Variants in EYS observed in about 807,000 individuals in gnomAD.
EYS encodes the protein EGF-like photoreceptor maintenance factor.
In EYS, 250 loss-of-function variants were observed where a neutral mutation model predicts 282.1. The ratio of observed to expected loss-of-function variants is 0.89; its 90% confidence interval spans 0.80 to 0.98. The LOEUF (loss-of-function observed/expected upper bound fraction) is 0.98. Ranked by LOEUF, EYS falls within the 50% of genes least tolerant of loss-of-function variation. EYS has a pLI of 0.00. For synonymous variants in EYS, 1,355 were observed against 1,282.9 expected (o/e 1.06, Z -1.20); for missense variants, 4,016 against 3,709.0 (o/e 1.08, Z -2.15).
At chr6:64,612,531 T>C (rs1767145403) in intron 24 of EYS, among the ~76,000 whole-genome samples, 1 of 152,148 alleles carries the variant, frequency 6.6e-6, no homozygotes, top group Non-Finnish European at 1.5e-5. Context: ...AGTACTTTAA[T>C]CTTGTTTGGA....
intron 22 of EYS, among the ~76,000 whole-genome samples, chr6:64,769,933 G>GTA (rs1466729743): frequency 2.0e-5 from 3 of 151,648 alleles, no homozygotes; most frequent in Non-Finnish European, 4.4e-5. Context: ...CTTCAGATAT[G>GTA]TATATATATA....
At chr6:64,155,955 T>C (rs1270590346) in intron 31 of EYS, among the ~76,000 whole-genome samples, 1 of 151,790 alleles carries the variant, frequency 6.6e-6, no homozygotes, top group Non-Finnish European at 1.5e-5. Context: ...CTGGAGGTGA[T>C]GACATGGGCT....
At chr6:65,336,802 A>G (rs1770006164) in intron 10 of EYS, among the ~76,000 whole-genome samples, 2 of 151,584 alleles carry the variant, frequency 1.3e-5, no homozygotes, top group Non-Finnish European at 1.5e-5. Flanking sequence ...AGCTTTAAAA[A>G]TCTTCCACAG....
chr6:64,234,021 C>T (rs556510337), intron 30 of EYS, among the ~76,000 whole-genome samples: 6 of 152,164 alleles, frequency 3.9e-5, no homozygotes, highest in Non-Finnish European at 8.8e-5. Context: ...AGTGGGCTCA[C>T]ACAGATATGT....
intron 12 of EYS, among the ~76,000 whole-genome samples, chr6:65,189,331 C>T (rs1292685373): frequency 2.0e-5 from 3 of 151,574 alleles, no homozygotes; most frequent in Non-Finnish European, 4.4e-5. Flanking sequence ...TGCAAAGTTT[C>T]GTTCATGATG....
intron 22 of EYS, among the ~76,000 whole-genome samples, chr6:64,679,607 A>G (rs1396118397): frequency 6.6e-6 from 1 of 152,192 alleles, no homozygotes; most frequent in Non-Finnish European, 1.5e-5. Context: ...AAACATGACC[A>G]AATTTCCCTT....
At chr6:65,592,158 T>G (rs1765255139) in intron 2 of EYS, among the ~76,000 whole-genome samples, 1 of 151,468 alleles carries the variant, frequency 6.6e-6, no homozygotes, top group Admixed American at 6.6e-5. Flanking sequence ...TCACTTTTCA[T>G]AGTTAATTTA....
chr6:65,624,560 G>A (rs896886911), intron 2 of EYS, among the ~76,000 whole-genome samples: 1 of 152,116 alleles, frequency 6.6e-6, no homozygotes, highest in Non-Finnish European at 1.5e-5. Flanking sequence ...GTTGCCAAAG[G>A]AGATTAACAT....
intron 22 of EYS, among the ~76,000 whole-genome samples, chr6:64,640,284 G>C (rs1768086313): frequency 6.7e-6 from 1 of 148,694 alleles, no homozygotes; most frequent in Admixed American, 6.7e-5. Flanking sequence ...GTTTATTGCG[G>C]CACTATTCAC....
At chr6:65,494,503 G>C (rs1766162265) in intron 4 of EYS, among the ~76,000 whole-genome samples, 160 bp downstream of exon 4, 1 of 151,820 alleles carries the variant, frequency 6.6e-6, no homozygotes, top group African/African-American at 2.4e-5. Flanking sequence ...GGATGGTCTC[G>C]CTCTCCTGAC....
chr6:65,076,642 G>A (rs185228414), intron 12 of EYS, among the ~76,000 whole-genome samples: 162 of 151,474 alleles, frequency 1.1e-3, no homozygotes, highest in African/African-American at 3.7e-3. Flanking sequence ...AGAGTGCATT[G>A]ATAAGCAATA....
chr6:64,928,315 T>G (rs959390899), intron 15 of EYS, among the ~76,000 whole-genome samples: 1 of 152,100 alleles, frequency 6.6e-6, no homozygotes, highest in African/African-American at 2.4e-5. Context: ...AAAATACAGA[T>G]TTTGCAGCAA....
chr6:64,232,964 C>T (rs1164643635), intron 30 of EYS, among the ~76,000 whole-genome samples: 1 of 152,116 alleles, frequency 6.6e-6, no homozygotes, highest in Non-Finnish European at 1.5e-5. Flanking sequence ...GGATTTATTA[C>T]TCAGTATTCT....
At chr6:64,602,772 G>C (rs1562086757) in intron 24 of EYS, among the ~76,000 whole-genome samples, 1 of 151,932 alleles carries the variant, frequency 6.6e-6, no homozygotes, top group Admixed American at 6.6e-5. Flanking sequence ...CTTTCATTAA[G>C]AAATGTTTAA....
At chr6:64,765,985 C>A (rs1278793285) in intron 22 of EYS, among the ~76,000 whole-genome samples, 2 of 151,978 alleles carry the variant, frequency 1.3e-5, no homozygotes, top group African/African-American at 2.4e-5. Flanking sequence ...GCACTATTTT[C>A]AAGTAATTAG....
chr6:65,322,664 G>T (rs71270257), intron 11 of EYS, among the ~76,000 whole-genome samples: 8 of 151,348 alleles, frequency 5.3e-5, no homozygotes, highest in Non-Finnish European at 1.2e-4. Flanking sequence ...GCCTGGGGGC[G>T]CGCGCCTGTA....
chr6:63,878,467 A>T (rs1426263425), intron 35 of EYS, among the ~76,000 whole-genome samples: 1 of 152,112 alleles, frequency 6.6e-6, no homozygotes, highest in Non-Finnish European at 1.5e-5. Context: ...TCAGATCTCA[A>T]ACTCCATGCT....
chr6:65,502,349 G>C (rs1312582676), intron 2 of EYS, among the ~76,000 whole-genome samples: 1 of 151,478 alleles, frequency 6.6e-6, no homozygotes, highest in Non-Finnish European at 1.5e-5. Flanking sequence ...AGAAAATCCT[G>C]CACATGGATC....
At chr6:63,891,506 T>G (rs959281231) in intron 35 of EYS, among the ~76,000 whole-genome samples, 3 of 152,190 alleles carry the variant, frequency 2.0e-5, no homozygotes, top group African/African-American at 7.2e-5. Flanking sequence ...TCTCAATAGA[T>G]GCAGAAAAGG....
Sources: allele counts gnomAD v4.1 joint callset (sites outside exome capture counted in the v4.1 genomes callset), GRCh38; gene constraint gnomAD v4.1.1; transcripts MANE v1.5; gene names NCBI Gene and HGNC (gene_info 2026-07-23, HGNC 2026-07-21).